Variants in MAPK8IP3 observed in about 807,000 individuals in gnomAD.
MAPK8IP3 encodes the protein C-Jun-amino-terminal kinase-interacting protein 3.
In MAPK8IP3, 49 loss-of-function variants were observed where a neutral mutation model predicts 157.8. The observed-to-expected ratio is 0.31, with a 90% CI of 0.25 to 0.39. MAPK8IP3 has a LOEUF of 0.39. Ranked by LOEUF, MAPK8IP3 falls within the 10% of genes least tolerant of loss-of-function variation. MAPK8IP3 has a pLI of 1.00. For missense variants in MAPK8IP3, 1,478 were observed against 1,889.4 expected (o/e 0.78, Z 4.04); for synonymous variants, 897 against 777.7 (o/e 1.15, Z -2.55).
At chr16:1,753,632 G>A (rs555490854) in intron 8 of MAPK8IP3, among the ~76,000 whole-genome samples, 4 of 151,126 alleles carry the variant, frequency 2.6e-5, no homozygotes, top group East Asian at 4.0e-4. Context: ...TAGTAGAGAC[G>A]GGGTTTCACC....
rs1252268999 is a variant in MAPK8IP3 at position 1,726,039 on chromosome 16, A to G, written c.439+1362A>G. 1.3e-5 allele frequency among the ~76,000 whole-genome samples: 2 copies of G among 152,236 alleles called. 1 individual carries two copies. The highest frequency in any genetic ancestry group is 4.8e-5 in the African/African-American group (2 of 41,472). On this transcript the variant is annotated intron_variant, in intron 2 of 31. Transcript: ENST00000610761. ...CTGCGGTTTCCCTAGCTACCTCAAC[A>G]GCAGGTTCCTTTATCTCTAAAAAGT... is the stretch of plus-strand genomic sequence containing the variant.
chr16:1,712,283 G>A (rs1461957356), intron 1 of MAPK8IP3, among the ~76,000 whole-genome samples: 1 of 151,702 alleles, frequency 6.6e-6, no homozygotes, highest in Non-Finnish European at 1.5e-5. Flanking sequence ...GGATGGTCTC[G>A]ATCTGCTGAC....
intron 1 of MAPK8IP3, among the ~76,000 whole-genome samples, chr16:1,722,502 C>A (rs573535770): frequency 1.5e-4 from 23 of 152,274 alleles, no homozygotes; most frequent in African/African-American, 5.5e-4. Flanking sequence ...ATGGATCTTC[C>A]AGATCCCAAA....
chr16:1,763,276 C>T (rs1187353437), intron 16 of MAPK8IP3, among the ~76,000 whole-genome samples: 6 of 152,266 alleles, frequency 3.9e-5, no homozygotes, highest in East Asian at 1.9e-4. Context: ...CTGGGCTCCA[C>T]GGTGGCCTCT....
Position 1,764,251 on chromosome 16 carries a change from G to A in MAPK8IP3, c.2121+41G>A, listed in dbSNP as rs552763976. On this transcript the variant is annotated intron_variant, in intron 18 of 31. Coordinates refer to ENST00000610761, the MANE Select transcript of MAPK8IP3 (RefSeq NM_001318852.2). ...CCCCGCTCAGGCTGGCTGGGCGAGC[G>A]GGAGGCTGGGGAGTGCCGGTGACAC... 20 of 1,596,638 alleles carry A rather than the reference G, an allele frequency of 1.3e-5. No individual in the cohort carries two copies. The East Asian group carries it at 3.9e-4, about 31-fold the overall frequency.
chr16:1,725,839 A>C (rs1261061263), intron 2 of MAPK8IP3, among the ~76,000 whole-genome samples: 3 of 151,362 alleles, frequency 2.0e-5, no homozygotes, highest in African/African-American at 7.3e-5. Context: ...CTGGGACTAC[A>C]GGTGCCCGCC....
intron 4 of MAPK8IP3, among the ~76,000 whole-genome samples, chr16:1,731,527 A>C (rs529355556): frequency 6.6e-6 from 1 of 152,204 alleles, no homozygotes; most frequent in Middle Eastern, 3.2e-3. Context: ...GTCACGCATG[A>C]GGCCAGTTCT....
Position 1,769,612 on chromosome 16 carries a change from A to C in MAPK8IP3, c.*788A>C, listed in dbSNP as rs768153271. On this transcript the variant is annotated 3_prime_UTR_variant, in exon 32 of 32. Coordinates refer to ENST00000610761, the MANE Select transcript of MAPK8IP3 (RefSeq NM_001318852.2). ...TGGGCCCTGGAGTCCTGTCCCTCCC[A>C]GAAGCCCCCAGGGTGGGATTTCTCA... 2.2e-4 allele frequency: 33 copies of C among 152,594 alleles called. No individual in the cohort carries two copies. The highest frequency in any genetic ancestry group is 4.2e-4 in the Non-Finnish European group (29 of 68,238). The allele number at this position is 152,594 out of a possible 1,614,324, so 9.5% of individuals were successfully genotyped here.
rs1487084153 is a variant in MAPK8IP3 at position 1,768,051 on chromosome 16, C to G, written c.3524-18C>G. ...CTGACCGCTCTCCTCTTCTCCCATG[C>G]TCCTCCCATGTCCCCAGCTGTGGTC... is the stretch of plus-strand genomic sequence containing the variant. On this transcript the variant is annotated intron_variant, in intron 28 of 31. Coordinates refer to ENST00000610761, the MANE Select transcript of MAPK8IP3 (RefSeq NM_001318852.2). 6.2e-7 allele frequency: 1 copy of G among 1,612,350 alleles called. No individual in the cohort carries two copies. Among genetic ancestry groups the G allele is most frequent in the Admixed American group, 1.7e-5 (1 of 60,026 alleles).
chr16:1,760,216 G>T (rs2041855804), intron 11 of MAPK8IP3, 164 bp from the exon 12 acceptor site: 1 of 992,354 alleles, frequency 1.0e-6, no homozygotes, highest in Non-Finnish European at 1.5e-6. Context: ...TCTAACAAGG[G>T]TGCTATAGGG....
At chr16:1,735,228 G>A (rs1016278257) in intron 4 of MAPK8IP3, among the ~76,000 whole-genome samples, 4 of 152,190 alleles carry the variant, frequency 2.6e-5, no homozygotes, top group Admixed American at 2.6e-4. Flanking sequence ...GTCCGTGTGA[G>A]CGTCCATGTG....
At chr16:1,766,683 C>G in intron 23 of MAPK8IP3, 35 bp downstream of exon 23, 1 of 1,612,568 alleles carries the variant, frequency 6.2e-7, no homozygotes, top group Non-Finnish European at 8.5e-7. Context: ...GAGGGAGGGT[C>G]CTGGGTGAGC....
chr16:1,759,559 T>G (rs1217402392), intron 10 of MAPK8IP3, among the ~76,000 whole-genome samples: 3 of 152,174 alleles, frequency 2.0e-5, no homozygotes, highest in African/African-American at 7.2e-5. Flanking sequence ...CTGCTGGCCC[T>G]GCCGTGAGGG....
At position 1,768,353 on chromosome 16, in the gene MAPK8IP3, C is replaced by T. The variant is rs770684226; in HGVS notation, c.3717C>T (p.Ala1239=). Residue 1239 remains alanine (A), a synonymous_variant, in exon 30 of 32, where the codon GCC becomes GCT. Transcript: ENST00000610761. ...TATGCTTCCATGGGCACCGCGATGCCGTGAAGTTCTTTGTCTCGGTGCCAG... is the reference window on the plus strand; with the variant it reads ...TATGCTTCCATGGGCACCGCGATGCTGTGAAGTTCTTTGTCTCGGTGCCAG... ...AQLCFHGHRD[A]VKFFVSVPGN... is the part of the protein sequence containing the mutation. 1.1e-5 allele frequency: 18 copies of T among 1,603,844 alleles called. No individual in the cohort carries two copies. The highest frequency in any genetic ancestry group is 3.3e-4 in the Middle Eastern group (2 of 6,058).
At chr16:1,760,139 T>C in intron 11 of MAPK8IP3, 124 bp downstream of exon 11, 1 of 1,127,764 alleles carries the variant, frequency 8.9e-7, no homozygotes, top group Admixed American at 2.0e-5. Flanking sequence ...GCTGTCCTCA[T>C]CTCTGGCGGG....
At chr16:1,746,886 C>A in intron 5 of MAPK8IP3, 143 bp from the exon 6 acceptor site, 2 of 1,025,724 alleles carry the variant, frequency 1.9e-6, no homozygotes, top group Non-Finnish European at 2.8e-6. Context: ...GCCCGGTGGG[C>A]GGCAGAGGAG....
intron 5 of MAPK8IP3, 119 bp from the exon 6 acceptor site, chr16:1,746,910 G>A: frequency 8.0e-7 from 1 of 1,246,134 alleles, no homozygotes; most frequent in African/African-American, 1.5e-5. Context: ...TGGCCCGCAG[G>A]GTGTCGGGCG....
intron 2 of MAPK8IP3, among the ~76,000 whole-genome samples, 164 bp from the exon 3 acceptor site, chr16:1,728,974 G>A (rs774093228): frequency 2.6e-5 from 4 of 152,254 alleles, no homozygotes; most frequent in African/African-American, 4.8e-5. Context: ...AACGCACACA[G>A]CAGTCTCCCA....
chr16:1,721,261 AG>A (rs368348665), intron 1 of MAPK8IP3, among the ~76,000 whole-genome samples: 1 of 142,994 alleles, frequency 7.0e-6, no homozygotes, highest in African/African-American at 2.6e-5. Context: ...TGAACCCGGG[AG>A]GCGGAGGTTG....
Sources: gnomAD v4.1 joint callset for allele counts (sites outside exome capture counted in the v4.1 genomes callset) on GRCh38, gnomAD v4.1.1 for gene constraint, MANE v1.5 for transcripts, NCBI Gene and HGNC (gene_info 2026-07-23, HGNC 2026-07-21) for gene names.